MACC1: variants seen among roughly 807,000 people sequenced by gnomAD.
MACC1 encodes the protein MET transcriptional regulator MACC1.
Under a neutral mutation model 70.7 loss-of-function variants are expected in MACC1, and 79 were observed. That is an observed-to-expected ratio of 1.12 (90% CI 0.93 to 1.35). The LOEUF (loss-of-function observed/expected upper bound fraction) is 1.35, where lower values mean the gene tolerates loss of function less well. Ranked by LOEUF, MACC1 falls within the 40% of genes most tolerant of loss-of-function variation. MACC1 has a pLI of 0.00. For synonymous variants in MACC1, 361 were observed against 347.2 expected, an observed-to-expected ratio of 1.04 and a Z score of -0.44; for missense variants, 1,106 against 978.1, an observed-to-expected ratio of 1.13 and a Z score of -1.74.
chr7:20,200,254 TAGATTTAAA>T (rs147764454), intron 1 of MACC1, among the ~76,000 whole-genome samples: 71,269 of 151,122 alleles, frequency 0.47, 17,339 homozygotes, highest in East Asian at 0.87. Context: ...AAAAGATTAG[TAGATTTAAA>T]AGATTTAAAA....
intron 1 of MACC1, among the ~76,000 whole-genome samples, chr7:20,175,112 T>C (rs1373287638): frequency 1.3e-5 from 2 of 152,114 alleles, no homozygotes; most frequent in Non-Finnish European, 2.9e-5. Context: ...TATTTATGGT[T>C]AGAAAGATAT....
At chr7:20,176,708 C>T (rs1409840546) in intron 1 of MACC1, among the ~76,000 whole-genome samples, 2 of 152,126 alleles carry the variant, frequency 1.3e-5, no homozygotes, top group African/African-American at 4.8e-5. Flanking sequence ...ATTTAAAGAA[C>T]TGTGTTACAC....
In MACC1 at chr7:20,151,510, G is replaced by A. The variant is rs368347691; in HGVS notation, c.2346+2683C>T. Among the ~76,000 whole-genome samples, 4 of 152,146 alleles carry A rather than the reference G, an allele frequency of 2.6e-5. No homozygotes were observed. The South Asian group carries it at 8.3e-4, about 32-fold the overall frequency. ...TTATTATCAGATTCCAAGCTTTACA[G>A]CTTTGCTTTTATGTAGTAATTACCA... On this transcript the variant is annotated intron_variant, in intron 6 of 6. Transcript: ENST00000400331.
Position 20,138,454 on chromosome 7 carries a change from T to C in MACC1, c.*2492A>G, listed in dbSNP as rs1434283624. On this transcript the variant is annotated 3_prime_UTR_variant, in exon 7 of 7. Transcript: ENST00000400331. ...TAATCCCCACTATCCCTTCCCAAAA[T>C]TCTCTGGTTAGCTGACATGTTAATA... 2 of 152,098 alleles carry C rather than the reference T, an allele frequency of 1.3e-5. No homozygotes were observed. Among genetic ancestry groups the C allele is most frequent in the African/African-American group, 4.8e-5 (2 of 41,422 alleles). 9.4% of individuals were successfully genotyped at this position (152,098 alleles called of 1,614,324 possible). A position where few individuals can be genotyped will look rare whatever the true frequency, so the allele number is the denominator to read the frequency against.
At chr7:20,178,621 T>C (rs1016167012) in intron 1 of MACC1, among the ~76,000 whole-genome samples, 1 of 152,162 alleles carries the variant, frequency 6.6e-6, no homozygotes, top group Non-Finnish European at 1.5e-5. Context: ...TTTTTTGAGA[T>C]GGAGTTTCGC....
chr7:20,146,477 A>G (rs937341536), intron 6 of MACC1, among the ~76,000 whole-genome samples: 1 of 152,204 alleles, frequency 6.6e-6, no homozygotes, highest in Admixed American at 6.5e-5. Flanking sequence ...AAAATTCTAA[A>G]TTTTTTAATA....
In MACC1 at chr7:20,138,688, T is replaced by C. The variant is rs915854688; in HGVS notation, c.*2258A>G. 5 of 151,596 alleles carry C rather than the reference T, an allele frequency of 3.3e-5. No homozygotes were observed. The highest frequency in any genetic ancestry group is 3.3e-4 in the Admixed American group (5 of 15,242). 9.4% of individuals were successfully genotyped at this position (151,596 alleles called of 1,614,324 possible). On this transcript the variant is annotated 3_prime_UTR_variant, in exon 7 of 7. Transcript: ENST00000400331. The stretch of plus-strand genomic sequence containing the variant: ...CTGAAAGCCGTACAGATTATTCCTT[T>C]TTTTTTTTTTGAGACAGCCTGTCAC...
At chr7:20,188,638 A>C (rs1166645151) in intron 1 of MACC1, among the ~76,000 whole-genome samples, 1 of 152,086 alleles carries the variant, frequency 6.6e-6, no homozygotes, top group Admixed American at 6.6e-5. Flanking sequence ...TTATCCAAAA[A>C]TATTTTTCTT....
In MACC1 at chr7:20,171,630, G is replaced by A. The variant is rs539636485; in HGVS notation, c.-217-852C>T. 6.0e-5 allele frequency among the ~76,000 whole-genome samples: 9 copies of A among 148,954 alleles called. No homozygotes were observed. The East Asian group carries it at 1.8e-3, about 29-fold the overall frequency. Reference sequence around the variant, plus strand: ...GGAGTCTCGTTCTGTCGCCCAGGTTGGAGTGCAGTGGTGTGATCTCAGCTC... The same window carrying A: ...GGAGTCTCGTTCTGTCGCCCAGGTTAGAGTGCAGTGGTGTGATCTCAGCTC... On this transcript the variant is annotated intron_variant, in intron 1 of 6. Transcript: ENST00000400331.
intron 1 of MACC1, among the ~76,000 whole-genome samples, chr7:20,214,928 G>T (rs1783047635): frequency 1.3e-5 from 2 of 152,092 alleles, no homozygotes; most frequent in South Asian, 4.2e-4. Flanking sequence ...ATTTTTCCAG[G>T]CCTGCTTAAA....
chr7:20,170,446 T>C (rs147445121), intron 2 of MACC1: 101 of 152,294 alleles, frequency 6.6e-4, no homozygotes, highest in African/African-American at 2.4e-3. Flanking sequence ...GTAAAGAATA[T>C]TGGAAAAGAG....
intron 1 of MACC1, among the ~76,000 whole-genome samples, chr7:20,199,376 G>A (rs1253426734): frequency 6.6e-6 from 1 of 152,220 alleles, no homozygotes; most frequent in African/African-American, 2.4e-5. Context: ...GCTATCTAAA[G>A]CAATATTATG....
intron 1 of MACC1, among the ~76,000 whole-genome samples, chr7:20,178,793 T>A (rs201609330): frequency 6.6e-6 from 1 of 151,920 alleles, no homozygotes; most frequent in African/African-American, 2.4e-5. Context: ...AGACATGGGG[T>A]TTCTCCATGT....
chr7:20,189,691 C>G (rs963635908), intron 1 of MACC1, among the ~76,000 whole-genome samples: 1 of 150,698 alleles, frequency 6.6e-6, no homozygotes, highest in Non-Finnish European at 1.5e-5. Flanking sequence ...AGCGTAGGAG[C>G]AGGAGAAAAA....
intron 1 of MACC1, among the ~76,000 whole-genome samples, chr7:20,175,832 G>A (rs755253346): frequency 6.6e-6 from 1 of 152,070 alleles, no homozygotes. Context: ...GGTGAAGCTG[G>A]AGCAGCCTTA....
At chr7:20,188,402 A>G (rs1207088618) in intron 1 of MACC1, among the ~76,000 whole-genome samples, 1 of 152,198 alleles carries the variant, frequency 6.6e-6, no homozygotes, top group African/African-American at 2.4e-5. Flanking sequence ...ATTCCTGCTC[A>G]TCGACTCAAA....
intron 1 of MACC1, among the ~76,000 whole-genome samples, chr7:20,175,783 G>A (rs1782382059): frequency 1.3e-5 from 2 of 151,998 alleles, no homozygotes; most frequent in Non-Finnish European, 2.9e-5. Context: ...ATGACTCTTG[G>A]CCCCAGTGAT....
At position 20,139,863 on chromosome 7, in the gene MACC1, T is replaced by G. The variant is rs868676612; in HGVS notation, c.*1083A>C. 6.8e-5 allele frequency: 10 copies of G among 146,854 alleles called. No homozygotes were observed. The highest frequency in any genetic ancestry group is 2.3e-4 in the African/African-American group (9 of 38,890). The allele number at this position is 146,854 out of a possible 1,614,324, so 9.1% of individuals were successfully genotyped here. ...ACACACACACACACACACACACACA[T>G]GTGTTTGCATGAGCATGCCAACATA... On this transcript the variant is annotated 3_prime_UTR_variant, in exon 7 of 7. Transcript: ENST00000400331.
rs765718455 is a variant in MACC1 at position 20,159,722 on chromosome 7, G to T, written c.639C>A (p.Thr213=). ...GWAQTQLAEV[T]IACKVNHQGG... ...CTTGATGGTTTACTTTGCAAGCTAT[G>T]GTGACCTCCGCAAGTTGTGTCTGGG... The change falls in exon 5 of 7, where the codon ACC becomes ACA. Residue 213 remains threonine, a synonymous_variant. Coordinates refer to ENST00000400331, the MANE Select transcript of MACC1 (RefSeq NM_182762.4). 6.2e-7 allele frequency: 1 copy of T among 1,614,140 alleles called. No individual in the cohort carries two copies. Among genetic ancestry groups the T allele is most frequent in the Non-Finnish European group, 8.5e-7 (1 of 1,180,020 alleles).
Sources: gnomAD v4.1 joint callset for allele counts (sites outside exome capture counted in the v4.1 genomes callset) on GRCh38, gnomAD v4.1.1 for gene constraint, MANE v1.5 for transcripts, NCBI Gene and HGNC (gene_info 2026-07-23, HGNC 2026-07-21) for gene names.